TMEM40: variants seen among roughly 807,000 people sequenced by gnomAD.
TMEM40 encodes transmembrane protein 40.
In TMEM40, 34 loss-of-function variants were observed where a neutral mutation model predicts 40.8. The observed-to-expected ratio is 0.83, with a 90% confidence interval of 0.63 to 1.11. The LOEUF (loss-of-function observed/expected upper bound fraction) is 1.11, where lower values mean the gene tolerates loss of function less well. Among genes scored for constraint, TMEM40 ranks in the 50% least tolerant of loss-of-function variants. TMEM40 has a pLI of 0.00. For synonymous variants in TMEM40, 106 were observed against 107.0 expected (o/e 0.99, Z 0.06); for missense variants, 296 against 280.2 (o/e 1.06, Z -0.40).
chr3:12,758,537 G>A (rs1219682228), intron 1 of TMEM40, among the ~76,000 whole-genome samples: 2 of 152,048 alleles, frequency 1.3e-5, no homozygotes, highest in Non-Finnish European at 2.9e-5. Flanking sequence ...CCCTCCCCTT[G>A]GGCCACACCA....
In TMEM40 at chr3:12,734,393, A is replaced by C. The variant is rs560203523; in HGVS notation, c.*381T>G. 1 of 208,070 alleles carries C rather than the reference A, an allele frequency of 4.8e-6. No individual in the cohort carries two copies. The highest frequency in any genetic ancestry group is 9.7e-6 in the Non-Finnish European group (1 of 103,374). The allele number at this position is 208,070 out of a possible 1,614,324, so 12.9% of individuals were successfully genotyped here. A position where few individuals can be genotyped will look rare whatever the true frequency, so the allele number is the denominator to read the frequency against. ...ATGGCTCGGTAGCACCTGAGAGCGC[A>C]TGCAGATAGCCTGGGATTTGAGAAA... On this transcript the variant is annotated 3_prime_UTR_variant, in exon 12 of 12. Coordinates refer to ENST00000314124, the MANE Select transcript of TMEM40 (RefSeq NM_018306.4).
intron 1 of TMEM40, among the ~76,000 whole-genome samples, chr3:12,756,439 T>C (rs1030075762): frequency 6.6e-6 from 1 of 152,220 alleles, no homozygotes. Flanking sequence ...AGCTAGATAC[T>C]AGGGGATGCT....
intron 1 of TMEM40, among the ~76,000 whole-genome samples, chr3:12,758,147 G>A (rs1202893036): frequency 6.6e-6 from 1 of 151,684 alleles, no homozygotes; most frequent in African/African-American, 2.4e-5. Flanking sequence ...AAGGCAGGGA[G>A]CAGGGCAGGC....
At chr3:12,764,042 A>G (rs1296511213), upstream of TMEM40, among the ~76,000 whole-genome samples, 1 of 151,954 alleles carries the variant, frequency 6.6e-6, no homozygotes, top group African/African-American at 2.4e-5. Context: ...CAGCCTCCCA[A>G]GTAGCTGGGA....
intron 1 of TMEM40, among the ~76,000 whole-genome samples, chr3:12,750,928 C>T (rs909495127): frequency 2.6e-5 from 4 of 152,122 alleles, no homozygotes; most frequent in African/African-American, 9.7e-5. Context: ...CAAACATCAC[C>T]CCCCATTTGA....
chr3:12,749,033 T>C (rs532691738), intron 2 of TMEM40, among the ~76,000 whole-genome samples: 1 of 135,376 alleles, frequency 7.4e-6, no homozygotes, highest in South Asian at 2.3e-4. Flanking sequence ...GGTTTCTTTC[T>C]TTTTTTTTTG....
At chr3:12,756,188 T>G (rs1239492844) in intron 1 of TMEM40, among the ~76,000 whole-genome samples, 2 of 151,226 alleles carry the variant, frequency 1.3e-5, no homozygotes, top group African/African-American at 4.9e-5. Context: ...ACAATCGTAT[T>G]TGAGTTCCTG....
chr3:12,740,546 C>CAAA (rs780832284), intron 5 of TMEM40, among the ~76,000 whole-genome samples: 3 of 47,510 alleles, frequency 6.3e-5, no homozygotes, highest in African/African-American at 1.1e-4. Flanking sequence ...CTAAAAATAC[C>CAAA]AAAAAAAAAA....
chr3:12,739,410 G>A (rs187254820), intron 5 of TMEM40, among the ~76,000 whole-genome samples: 2,257 of 151,568 alleles, frequency 0.015, 54 homozygotes, highest in African/African-American at 0.049. Context: ...TCAGCCTCAC[G>A]AGTAGCTGGG....
intron 1 of TMEM40, among the ~76,000 whole-genome samples, chr3:12,764,788 C>G (rs1293751133): frequency 6.6e-6 from 1 of 152,240 alleles, no homozygotes; most frequent in East Asian, 1.9e-4. Context: ...CTTTAAAAGG[C>G]AAGGACTAAA....
chr3:12,748,511 A>G, intron 3 of TMEM40, 144 bp downstream of exon 3: 3 of 1,198,890 alleles, frequency 2.5e-6, no homozygotes, highest in Non-Finnish European at 3.5e-6. Context: ...GTAGAAGCAC[A>G]TGTAGACAGA....
intron 8 of TMEM40, among the ~76,000 whole-genome samples, chr3:12,737,119 A>G (rs1022031985): frequency 6.6e-6 from 1 of 151,820 alleles, no homozygotes; most frequent in Non-Finnish European, 1.5e-5. Context: ...GCTTCAAGCA[A>G]TCCTCTCATC....
At chr3:12,761,584 C>T (rs762066818), upstream of TMEM40, among the ~76,000 whole-genome samples, 2 of 147,598 alleles carry the variant, frequency 1.4e-5, no homozygotes, top group African/African-American at 2.5e-5. Flanking sequence ...CCAACCATGG[C>T]AACAGAGTGA....
intron 1 of TMEM40, among the ~76,000 whole-genome samples, chr3:12,764,957 C>T (rs1180389374): frequency 6.6e-6 from 1 of 151,948 alleles, no homozygotes; most frequent in Non-Finnish European, 1.5e-5. Flanking sequence ...CTGCAACCTC[C>T]GCCTCCCAGG....
Position 12,747,214 on chromosome 3 carries a change from A to T in TMEM40, c.211+1441T>A, listed in dbSNP as rs369541191. On this transcript the variant is annotated intron_variant, in intron 3 of 11. Coordinates refer to ENST00000314124, the MANE Select transcript of TMEM40 (RefSeq NM_018306.4). ...TTTTTTTTTTTTCCTTCCAGCCCAG[A>T]GACCTTTCATTAAATAAAGTCTTAA... 4.0e-4 allele frequency among the ~76,000 whole-genome samples: 61 copies of T among 151,192 alleles called. 1 individual carries two copies. Among genetic ancestry groups the T allele is most frequent in the African/African-American group, 1.3e-3 (54 of 41,152 alleles).
At chr3:12,748,889 G>A in intron 2 of TMEM40, 97 bp from the exon 3 acceptor site, 1 of 1,103,234 alleles carries the variant, frequency 9.1e-7, no homozygotes, top group Non-Finnish European at 1.3e-6. Flanking sequence ...GATTTGGAGA[G>A]CCAGGAAGGA....
chr3:12,748,350 A>G (rs533979231), intron 3 of TMEM40, among the ~76,000 whole-genome samples: 1 of 152,242 alleles, frequency 6.6e-6, no homozygotes, highest in Non-Finnish European at 1.5e-5. Flanking sequence ...GTTACTTTAC[A>G]TGAGATGCAG....
chr3:12,768,660 T>A lies in TMEM40; in HGVS notation c.-9+591A>T, dbSNP rs180707975. ...AGATACAGAGTGCTGATTGGTGTTA[T>A]TTACAATCCCTTAGCTAGACATAAA... On this transcript the variant is annotated intron_variant, in intron 1 of 11. Coordinates refer to the TMEM40 transcript ENST00000264728. Among the ~76,000 whole-genome samples, 230 of 152,188 alleles carry A rather than the reference T, an allele frequency of 1.5e-3. 3 individuals carry two copies. The highest frequency in any genetic ancestry group is 2.5e-4 in the Non-Finnish European group (17 of 67,996).
chr3:12,734,554 C>T lies in TMEM40; in HGVS notation c.*220G>A. On this transcript the variant is annotated 3_prime_UTR_variant, in exon 12 of 12. Transcript: ENST00000314124. ...AGGCCCCACACCCACCCTCTGCCTT[C>T]CATCCTTGCAGCTGGGTTGCACAGC... 1.8e-6 allele frequency: 1 copy of T among 557,994 alleles called. No homozygotes were observed. Among genetic ancestry groups the T allele is most frequent in the Non-Finnish European group, 3.2e-6 (1 of 311,038 alleles). 34.6% of individuals were successfully genotyped at this position (557,994 alleles called of 1,614,324 possible).
Sources: allele counts gnomAD v4.1 joint callset (sites outside exome capture counted in the v4.1 genomes callset), GRCh38; gene constraint gnomAD v4.1.1; transcripts MANE v1.5; gene names NCBI Gene and HGNC (gene_info 2026-07-23, HGNC 2026-07-21).